Variants in HAUS3 observed in about 807,000 individuals in gnomAD.
The protein encoded by HAUS3 is HAUS augmin like complex subunit 3, also known as HAUS augmin-like complex subunit 3.
HAUS3 carries 36 observed loss-of-function variants against 55.2 expected under a neutral mutation model. The ratio of observed to expected loss-of-function variants is 0.65; its 90% CI spans 0.50 to 0.86. The LOEUF (loss-of-function observed/expected upper bound fraction) is 0.86, where lower values mean the gene tolerates loss of function less well. Ranked by LOEUF, HAUS3 falls within the 40% of genes least tolerant of loss-of-function variation. HAUS3 has a pLI of 0.00. For synonymous variants in HAUS3, 234 were observed against 238.6 expected, an observed-to-expected ratio of 0.98 and a Z score of 0.18; for missense variants, 752 against 671.5, an observed-to-expected ratio of 1.12 and a Z score of -1.33.
rs983693944 is a variant in HAUS3 at position 2,232,448 on chromosome 4, A to G, written c.1579-288T>C. On this transcript the variant is annotated intron_variant, in intron 5 of 5. Transcript: ENST00000443786. ...TGCATTCATATATTCAACAAATGCT[A>G]TTGTGCCAAGTACTGTTTTAGAGAT... Among the ~76,000 whole-genome samples, 7 of 152,350 alleles carry G rather than the reference A, an allele frequency of 4.6e-5. No homozygotes were observed. The South Asian group carries it at 1.0e-3, about 23-fold the overall frequency.
Position 2,240,966 on chromosome 4 carries a change from T to C in HAUS3, c.-20A>G, listed in dbSNP as rs373740346. On this transcript the variant is annotated 5_prime_UTR_variant, in exon 3 of 6. Coordinates refer to ENST00000443786, the MANE Select transcript of HAUS3 (RefSeq NM_001303143.2). Reference sequence around the variant, plus strand: ...ACTCATGGTTTTAACTACCCCAATTTTGTTGTATCTGATATGGGTTTACGG... The same window carrying C: ...ACTCATGGTTTTAACTACCCCAATTCTGTTGTATCTGATATGGGTTTACGG... 1.9e-5 allele frequency: 29 copies of C among 1,557,920 alleles called. No homozygotes were observed. In the African/African-American group the frequency reaches 3.6e-4, roughly 19 times the overall value.
rs758741532 is a variant in HAUS3, at chr4:2,238,783, T to C, written c.1170A>G (p.Ser390=). 25 of 1,613,666 alleles carry C rather than the reference T, an allele frequency of 1.5e-5. No individual in the cohort carries two copies. The Admixed American group carries it at 4.2e-4, about 27-fold the overall frequency. The change falls in exon 4 of 6, where the codon TCA becomes TCG. Residue 390 remains serine, a synonymous_variant. Transcript: ENST00000443786. ...GATGCTTTCTTAATTCAATTTCATA[T>C]GATAACTGTAGAAGTTCAAATGATG... ...QKASFELLQL[S]YEIELRKHRD...
In HAUS3 at chr4:2,231,956, T is replaced by C. The variant is rs1433020359; in HGVS notation, c.1783A>G (p.Lys595Glu). ...DIVENLETQS[K>E]IKAVSLED ...TCTTCAAGACTAACAGCCTTAATCT[T>C]TGATTGAGTTTCTAAATTCTCCACA... Residue 595 changes from lysine to glutamate, a missense_variant, in exon 6 of 6, where the codon AAG becomes GAG. By Grantham distance (56) the Lys-to-Glu change is moderately conservative. Transcript: ENST00000443786. 4 of 1,423,074 alleles carry C rather than the reference T, an allele frequency of 2.8e-6. No homozygotes were observed. In the African/African-American group the frequency reaches 5.8e-5, roughly 20 times the overall value. The allele number at this position is 1,423,074 out of a possible 1,614,324, so 88.2% of individuals were successfully genotyped here.
In HAUS3 at chr4:2,236,864, AAAT is replaced by A. The variant is rs1165173187; in HGVS notation, c.1350-411_1350-409del. Among the ~76,000 whole-genome samples, 13 of 149,572 alleles carry A rather than the reference AAAT, an allele frequency of 8.7e-5. No homozygotes were observed. The South Asian group carries it at 1.9e-3, about 22-fold the overall frequency. ...GGCGACAGAGTGAGACTCCGTCTCC[AAAT>A]AATAATAATAATAATTATAATTATA... On this transcript the variant is annotated intron_variant, in intron 4 of 5. Coordinates refer to ENST00000443786, the MANE Select transcript of HAUS3 (RefSeq NM_001303143.2).
intron 2 of HAUS3, 97 bp downstream of exon 2, chr4:2,241,423 C>A: frequency 1.2e-6 from 1 of 867,654 alleles, no homozygotes; most frequent in Non-Finnish European, 1.4e-6. Flanking sequence ...CAAACCCAAG[C>A]CACCAGGAGG....
intron 4 of HAUS3, 125 bp downstream of exon 4, chr4:2,238,479 T>C (rs1235687144): frequency 7.8e-6 from 4 of 515,568 alleles, no homozygotes; most frequent in South Asian, 5.1e-5. Context: ...GGAAAAAAAA[T>C]AGAAAGGCCA....
rs1734986891 is a variant in HAUS3, at chr4:2,241,510, A to G, written c.-148+10T>C. 5.1e-6 allele frequency: 5 copies of G among 985,566 alleles called. No homozygotes were observed. In the South Asian group the frequency reaches 2.3e-4, roughly 46 times the overall value. 61.1% of individuals were successfully genotyped at this position (985,566 alleles called of 1,614,324 possible). A position where few individuals can be genotyped will look rare whatever the true frequency, so the allele number is the denominator to read the frequency against. On this transcript the variant is annotated intron_variant, in intron 2 of 5. Transcript: ENST00000443786. ...ATGGCACATCTTCTGAAGATCAACTAAATATTTACCTCAACGTCTCGCCGG... is the reference window on the plus strand; with the variant it reads ...ATGGCACATCTTCTGAAGATCAACTGAATATTTACCTCAACGTCTCGCCGG...
chr4:2,234,846 CA>C (rs1226558385), intron 5 of HAUS3, among the ~76,000 whole-genome samples: 1 of 152,098 alleles, frequency 6.6e-6, no homozygotes, highest in Non-Finnish European at 1.5e-5. Flanking sequence ...AAAATAGACT[CA>C]AAATACATAG....
In HAUS3 at chr4:2,238,943, G is replaced by A; in HGVS notation, c.1010C>T (p.Pro337Leu). Residue 337 changes from proline (P) to leucine (L), a missense_variant, in exon 4 of 6, where the codon CCT becomes CTT. Transcript: ENST00000443786. The stretch of plus-strand genomic sequence containing the variant: ...CTGGGCATTCTCTCTTACCACAGCA[G>A]GTAAACTTCTGTCTTTTATTTGAGT... ...EVTQIKDRSL[P>L]AVVRENAQLL... 1 of 1,605,618 alleles carries A rather than the reference G, an allele frequency of 6.2e-7. No homozygotes were observed. Among genetic ancestry groups the A allele is most frequent in the Non-Finnish European group, 8.5e-7 (1 of 1,176,746 alleles).
chr4:2,241,620 C>T lies in HAUS3; in HGVS notation c.-248G>A. The T allele has an allele frequency of 1.0e-6, 1 of 985,510 alleles. No homozygotes were observed. The highest frequency in any genetic ancestry group is 4.7e-5 in the South Asian group (1 of 21,290). 61.0% of individuals were successfully genotyped at this position (985,510 alleles called of 1,614,324 possible). A position where few individuals can be genotyped will look rare whatever the true frequency, so the allele number is the denominator to read the frequency against. On this transcript the variant is annotated 5_prime_UTR_variant, in exon 2 of 6. Coordinates refer to ENST00000443786, the MANE Select transcript of HAUS3 (RefSeq NM_001303143.2). ...AAGCGCGCGGCCACAATTAAGGGTGCTTCGGGCCGGCCTTCAGCCAGCGCT... is the reference window on the plus strand; with the variant it reads ...AAGCGCGCGGCCACAATTAAGGGTGTTTCGGGCCGGCCTTCAGCCAGCGCT...
rs1300963518 is a variant in HAUS3, at chr4:2,238,983, G to A, written c.970C>T (p.Leu324Phe). ...ISSLTSEIMKLEKEVTQIKDR... is the reference protein window; with the variant it reads ...ISSLTSEIMKFEKEVTQIKDR... ...TTTATTTGAGTGACCTCTTTTTCAA[G>A]TTTCATAATCTCACTGGTCAAGCTA... is the stretch of plus-strand genomic sequence containing the variant. Residue 324 changes from leucine (L) to phenylalanine (F), a missense_variant, in exon 4 of 6, where the codon CTT becomes TTT. Coordinates refer to ENST00000443786, the MANE Select transcript of HAUS3 (RefSeq NM_001303143.2). The A allele has an allele frequency of 6.3e-7, 1 of 1,583,180 alleles. No homozygotes were observed. The highest frequency in any genetic ancestry group is 8.6e-7 in the Non-Finnish European group (1 of 1,169,260).
intron 4 of HAUS3, among the ~76,000 whole-genome samples, chr4:2,237,634 T>C (rs1397317923): frequency 6.6e-6 from 1 of 152,160 alleles, no homozygotes; most frequent in East Asian, 1.9e-4. Flanking sequence ...AATCAATCTC[T>C]GAGACTTATT....
chr4:2,240,213 G>A lies in HAUS3; in HGVS notation c.734C>T (p.Thr245Ile), dbSNP rs765299599. The A allele has an allele frequency of 2.5e-6, 4 of 1,613,794 alleles. No homozygotes were observed. The highest frequency in any genetic ancestry group is 2.2e-5 in the South Asian group (2 of 91,046). Reference protein sequence around the residue: ...EDNFQLLDIQTPSICDNQEIL... With the variant: ...EDNFQLLDIQIPSICDNQEIL... ...TTCTTGATTATCACAAATAGATGGTGTCTGTATATCTAAAAGTTGAAAATT... is the reference window on the plus strand; with the variant it reads ...TTCTTGATTATCACAAATAGATGGTATCTGTATATCTAAAAGTTGAAAATT... Residue 245 changes from threonine to isoleucine, a missense_variant, in exon 3 of 6, where the codon ACA (threonine) becomes ATA (isoleucine). Thr to Ile is a moderately conservative substitution (Grantham distance 89). Coordinates refer to ENST00000443786, the MANE Select transcript of HAUS3 (RefSeq NM_001303143.2).
rs1734590718 is a variant in HAUS3 at position 2,231,886 on chromosome 4, TAAAA to T, written c.*37_*40del. The T allele has an allele frequency of 1.2e-6, 1 of 869,440 alleles. No homozygotes were observed. The highest frequency in any genetic ancestry group is 1.6e-5 in the South Asian group (1 of 63,428). The allele number at this position is 869,440 out of a possible 1,614,324, so 53.9% of individuals were successfully genotyped here. On this transcript the variant is annotated 3_prime_UTR_variant, in exon 6 of 6. Coordinates refer to ENST00000443786, the MANE Select transcript of HAUS3 (RefSeq NM_001303143.2). Reference sequence around the variant, plus strand: ...TTATTATACACAGTCTTCTAATAAATAAAAGAGGACACGTAATAAAGATTCAGTT... The same window carrying T: ...TTATTATACACAGTCTTCTAATAAATGAGGACACGTAATAAAGATTCAGTT...
At chr4:2,241,340 G>T (rs1734978757) in intron 2 of HAUS3, among the ~76,000 whole-genome samples, 180 bp downstream of exon 2, 1 of 152,168 alleles carries the variant, frequency 6.6e-6, no homozygotes, top group Non-Finnish European at 1.5e-5. Flanking sequence ...TTTTTCCAAA[G>T]ATAAAATGGT....
At chr4:2,236,504 T>A in intron 4 of HAUS3, 48 bp from the exon 5 acceptor site, 1 of 1,343,908 alleles carries the variant, frequency 7.4e-7, no homozygotes, top group South Asian at 1.2e-5. Context: ...CAAGTCAGTA[T>A]CATTTTCAAA....
In HAUS3 at chr4:2,231,857, GTGT is replaced by G; in HGVS notation, c.*67_*69del. On this transcript the variant is annotated 3_prime_UTR_variant, in exon 6 of 6. Transcript: ENST00000443786. The stretch of plus-strand genomic sequence containing the variant: ...GACCTCAAATTTTAAAAATTTAGTA[GTGT>G]TTATTATACACAGTCTTCTAATAAA... 1.5e-6 allele frequency: 1 copy of G among 682,418 alleles called. No homozygotes were observed. Among genetic ancestry groups the G allele is most frequent in the Non-Finnish European group, 2.5e-6 (1 of 398,662 alleles). 42.3% of individuals were successfully genotyped at this position (682,418 alleles called of 1,614,324 possible).
At chr4:2,232,634 T>C (rs1734622775) in intron 5 of HAUS3, among the ~76,000 whole-genome samples, 1 of 152,128 alleles carries the variant, frequency 6.6e-6, no homozygotes, top group Non-Finnish European at 1.5e-5. Context: ...CAAATCTCCA[T>C]TTTTCATTTT....
chr4:2,236,161 TC>T (rs1734756177), intron 5 of HAUS3, 66 bp downstream of exon 5: 1 of 900,398 alleles, frequency 1.1e-6, no homozygotes, highest in African/African-American at 1.7e-5. Context: ...GTTAACATTT[TC>T]TTTAATATCT....
Sources: allele counts gnomAD v4.1 joint callset (sites outside exome capture counted in the v4.1 genomes callset), GRCh38; gene constraint gnomAD v4.1.1; transcripts MANE v1.5; gene names NCBI Gene and HGNC (gene_info 2026-07-23, HGNC 2026-07-21).